Variants in INTS9 observed in about 807,000 individuals in gnomAD.
The protein encoded by INTS9 is integrator complex subunit 9, also known as protein related to CPSF subunits of 74 kDa.
A neutral mutation model predicts 79.7 loss-of-function variants in INTS9; 55 were observed. That is an observed-to-expected ratio of 0.69 (90% CI 0.56 to 0.86). INTS9 has a LOEUF of 0.86. INTS9 is among the 40% of genes least tolerant of loss of function. The pLI is 0.00. For synonymous variants in INTS9, 319 were observed against 325.2 expected, an observed-to-expected ratio of 0.98 and a Z score of 0.20; for missense variants, 721 against 831.5, an observed-to-expected ratio of 0.87 and a Z score of 1.64.
At chr8:28,807,065 A>G (rs1021100743) in intron 8 of INTS9, among the ~76,000 whole-genome samples, 2 of 152,218 alleles carry the variant, frequency 1.3e-5, no homozygotes, top group Non-Finnish European at 2.9e-5. Flanking sequence ...TAATACAGAC[A>G]AACTTCTGGC....
At chr8:28,841,102 C>G (rs1158769013) in intron 4 of INTS9, among the ~76,000 whole-genome samples, 1 of 152,158 alleles carries the variant, frequency 6.6e-6, no homozygotes, top group African/African-American at 2.4e-5. Flanking sequence ...CATCGGCCCC[C>G]GAGGACAGGA....
rs150439564 is a variant in INTS9 at position 28,806,222 on chromosome 8, C to T, written c.744+6105G>A. On this transcript the variant is annotated intron_variant, in intron 8 of 16. Transcript: ENST00000521022. ...TCTAGCCTGAGCGACAGAGCAAGAC[C>T]TTGTCTCAAAAAAACAAAACAAAAC... Among the ~76,000 whole-genome samples, 441 of 152,046 alleles carry T rather than the reference C, an allele frequency of 2.9e-3. 1 individual carries two copies. Among genetic ancestry groups the T allele is most frequent in the African/African-American group, 0.01 (426 of 41,498 alleles).
chr8:28,861,313 C>A (rs11786316), intron 1 of INTS9, among the ~76,000 whole-genome samples: 13,266 of 152,176 alleles, frequency 0.087, 792 homozygotes, highest in Middle Eastern at 0.18. Context: ...TGGTCTTTAT[C>A]CCCATCTAAG....
At chr8:28,846,462 T>C (rs1807520062) in intron 4 of INTS9, among the ~76,000 whole-genome samples, 1 of 152,130 alleles carries the variant, frequency 6.6e-6, no homozygotes, top group Non-Finnish European at 1.5e-5. Context: ...CTAAAAGGCT[T>C]GAGTTAGTTC....
At chr8:28,837,596 C>A in intron 5 of INTS9, 41 bp downstream of exon 5, 1 of 1,597,944 alleles carries the variant, frequency 6.3e-7, no homozygotes, top group Non-Finnish European at 8.5e-7. Context: ...GGGAGGAGCT[C>A]CGCAGTCACA....
chr8:28,828,059 T>A (rs189973965), intron 6 of INTS9, among the ~76,000 whole-genome samples: 9 of 152,288 alleles, frequency 5.9e-5, no homozygotes, highest in Non-Finnish European at 5.9e-5. Context: ...GATTACTCCG[T>A]CAAAGCACTG....
chr8:28,828,356 C>T (rs778892123), intron 6 of INTS9, among the ~76,000 whole-genome samples: 4 of 152,198 alleles, frequency 2.6e-5, no homozygotes, highest in Non-Finnish European at 4.4e-5. Context: ...ATGTAAGCCA[C>T]GTATCTTATT....
intron 10 of INTS9, among the ~76,000 whole-genome samples, chr8:28,790,271 G>C (rs1051654785): frequency 6.6e-6 from 1 of 152,186 alleles, no homozygotes; most frequent in African/African-American, 2.4e-5. Context: ...CTGGCATGGG[G>C]GGCTGGGACT....
At chr8:28,874,700 T>C (rs1197899785) in intron 1 of INTS9, among the ~76,000 whole-genome samples, 2 of 152,198 alleles carry the variant, frequency 1.3e-5, no homozygotes, top group African/African-American at 2.4e-5. Context: ...AAACCCACCA[T>C]GCTTTTGCTT....
intron 6 of INTS9, among the ~76,000 whole-genome samples, chr8:28,834,196 T>C (rs895770887): frequency 6.6e-5 from 10 of 152,236 alleles, no homozygotes; most frequent in Admixed American, 3.9e-4. Context: ...TCACGGATAC[T>C]GCCTTAGATC....
intron 9 of INTS9, among the ~76,000 whole-genome samples, chr8:28,794,620 G>C (rs1804097811): frequency 6.6e-6 from 1 of 152,192 alleles, no homozygotes; most frequent in African/African-American, 2.4e-5. Flanking sequence ...CAGGACCACA[G>C]GAAAGCCACT....
intron 1 of INTS9, among the ~76,000 whole-genome samples, chr8:28,882,467 A>T (rs866901090): frequency 2.0e-4 from 30 of 147,074 alleles, no homozygotes; most frequent in African/African-American, 7.2e-4. Context: ...ATAAAAAAAA[A>T]AAAAATAGAA....
intron 6 of INTS9, among the ~76,000 whole-genome samples, chr8:28,826,031 C>T (rs1442757459): frequency 1.3e-5 from 2 of 152,210 alleles, no homozygotes; most frequent in African/African-American, 2.4e-5. Flanking sequence ...CATACAGCTA[C>T]TAGTAGCTGA....
intron 5 of INTS9, among the ~76,000 whole-genome samples, chr8:28,836,195 A>C (rs566086151): frequency 6.6e-6 from 1 of 152,352 alleles, no homozygotes; most frequent in East Asian, 1.9e-4. Flanking sequence ...GAATACTCCA[A>C]GGACAAATGG....
chr8:28,809,421 C>T (rs1030812826), intron 8 of INTS9, among the ~76,000 whole-genome samples: 3 of 152,196 alleles, frequency 2.0e-5, no homozygotes, highest in African/African-American at 7.2e-5. Context: ...CAAAACTTTT[C>T]TCATCCCTGC....
intron 8 of INTS9, among the ~76,000 whole-genome samples, chr8:28,803,077 C>G (rs540942585): frequency 6.6e-6 from 1 of 152,038 alleles, no homozygotes; most frequent in Admixed American, 6.6e-5. Context: ...CATGCCACTG[C>G]ACTCCAACCT....
At chr8:28,871,012 T>C (rs1169186743) in intron 1 of INTS9, among the ~76,000 whole-genome samples, 2 of 152,220 alleles carry the variant, frequency 1.3e-5, no homozygotes, top group African/African-American at 2.4e-5. Context: ...AATCACTTAC[T>C]TCATGCTGGG....
At chr8:28,832,488 G>A (rs1354099920) in intron 6 of INTS9, among the ~76,000 whole-genome samples, 3 of 152,192 alleles carry the variant, frequency 2.0e-5, no homozygotes, top group South Asian at 2.1e-4. Context: ...CGGCTGACAC[G>A]CACATGAGAA....
At chr8:28,874,190 C>A (rs949962902) in intron 1 of INTS9, among the ~76,000 whole-genome samples, 1 of 151,952 alleles carries the variant, frequency 6.6e-6, no homozygotes, top group African/African-American at 2.4e-5. Context: ...TCCAGTTTTT[C>A]TTAATTGTGT....
Sources: allele counts gnomAD v4.1 joint callset (sites outside exome capture counted in the v4.1 genomes callset), GRCh38; gene constraint gnomAD v4.1.1; transcripts MANE v1.5; gene names NCBI Gene and HGNC (gene_info 2026-07-23, HGNC 2026-07-21).